Variants in CCSER1 observed in about 807,000 individuals in gnomAD.
CCSER1 encodes coiled-coil serine rich protein 1.
A neutral mutation model predicts 82.0 loss-of-function variants in CCSER1; 41 were observed. The ratio of observed to expected loss-of-function variants is 0.50; its 90% CI spans 0.39 to 0.65. The LOEUF (loss-of-function observed/expected upper bound fraction) is 0.65, where lower values mean the gene tolerates loss of function less well. Ranked by LOEUF, CCSER1 falls within the 30% of genes least tolerant of loss-of-function variation. CCSER1 has a pLI of 0.00. For synonymous variants in CCSER1, 414 were observed against 383.9 expected (o/e 1.08, Z -0.92); for missense variants, 1,119 against 1,064.2 (o/e 1.05, Z -0.72).
At chr4:91,431,575 C>G (rs763566763) in intron 10 of CCSER1, among the ~76,000 whole-genome samples, 2 of 152,062 alleles carry the variant, frequency 1.3e-5, no homozygotes, top group Non-Finnish European at 2.9e-5. Flanking sequence ...TCAAGCGATT[C>G]TCCTGCCTCA....
chr4:91,293,016 A>T (rs2149221715), intron 10 of CCSER1, among the ~76,000 whole-genome samples: 1 of 152,142 alleles, frequency 6.6e-6, no homozygotes, highest in South Asian at 2.1e-4. Flanking sequence ...CTGATAAATT[A>T]ACATTGAATT....
intron 10 of CCSER1, among the ~76,000 whole-genome samples, chr4:91,207,096 G>A (rs1157410446): frequency 6.6e-6 from 1 of 151,778 alleles, no homozygotes; most frequent in East Asian, 1.9e-4. Context: ...TGTAAAGCAT[G>A]GTGGCATAAT....
At chr4:90,582,656 G>T (rs907001505) in intron 5 of CCSER1, among the ~76,000 whole-genome samples, 1 of 152,058 alleles carries the variant, frequency 6.6e-6, no homozygotes, top group Non-Finnish European at 1.5e-5. Context: ...CCTTTGACAG[G>T]GTTTTCTCTC....
chr4:90,899,987 C>T (rs889192970), intron 8 of CCSER1, among the ~76,000 whole-genome samples: 1 of 151,540 alleles, frequency 6.6e-6, no homozygotes, highest in African/African-American at 2.4e-5. Context: ...GCATTCCCCC[C>T]TCCTTGTTTG....
chr4:91,201,146 T>G (rs1278231755), intron 10 of CCSER1, among the ~76,000 whole-genome samples: 1 of 152,064 alleles, frequency 6.6e-6, no homozygotes, highest in Non-Finnish European at 1.5e-5. Context: ...TGGTGCTCCC[T>G]ACATAACTAT....
At chr4:91,050,996 A>G (rs1742961134) in intron 9 of CCSER1, among the ~76,000 whole-genome samples, 1 of 152,134 alleles carries the variant, frequency 6.6e-6, no homozygotes, top group Non-Finnish European at 1.5e-5. Flanking sequence ...GATATTCTCT[A>G]GCTCTGTGCT....
At chr4:90,656,652 T>A (rs1180828081) in intron 6 of CCSER1, among the ~76,000 whole-genome samples, 1 of 151,992 alleles carries the variant, frequency 6.6e-6, no homozygotes, top group Admixed American at 6.6e-5. Context: ...GTATTTAATG[T>A]AACTACTGAT....
chr4:91,384,539 G>T (rs1331822004), intron 10 of CCSER1, among the ~76,000 whole-genome samples: 1 of 151,754 alleles, frequency 6.6e-6, no homozygotes, highest in Non-Finnish European at 1.5e-5. Flanking sequence ...GATACAATTA[G>T]ATATATTACT....
At chr4:90,883,040 C>G (rs1219712803) in intron 8 of CCSER1, among the ~76,000 whole-genome samples, 1 of 151,928 alleles carries the variant, frequency 6.6e-6, no homozygotes, top group Non-Finnish European at 1.5e-5. Context: ...ATGAGAAAAG[C>G]TAGGTCTAGA....
intron 9 of CCSER1, among the ~76,000 whole-genome samples, chr4:91,062,776 ATT>A (rs1167049931): frequency 6.6e-6 from 1 of 152,054 alleles, no homozygotes; most frequent in African/African-American, 2.4e-5. Flanking sequence ...CAATAAAATG[ATT>A]TTTTTGTCAT....
chr4:91,361,516 T>C (rs891868962), intron 10 of CCSER1, among the ~76,000 whole-genome samples: 1 of 151,722 alleles, frequency 6.6e-6, no homozygotes, highest in African/African-American at 2.4e-5. Flanking sequence ...GTGACAGGCA[T>C]TGTGGAGGTA....
chr4:90,157,159 C>T (rs895820194), intron 1 of CCSER1, among the ~76,000 whole-genome samples: 2 of 152,148 alleles, frequency 1.3e-5, no homozygotes, highest in Non-Finnish European at 2.9e-5. Context: ...ATATGAAATT[C>T]TGGGTTGAAA....
chr4:90,461,923 C>T (rs538644582), intron 4 of CCSER1, among the ~76,000 whole-genome samples: 7 of 152,314 alleles, frequency 4.6e-5, no homozygotes, highest in African/African-American at 1.7e-4. Context: ...AAGTTCAGCA[C>T]CTACTACAGT....
rs1764646094 is a variant in CCSER1, at chr4:90,857,930, CAAGTT to C, written c.2094+42088_2094+42092del. Among the ~76,000 whole-genome samples, 2 of 151,996 alleles carry C rather than the reference CAAGTT, an allele frequency of 1.3e-5. 1 individual carries two copies. Among genetic ancestry groups the C allele is most frequent in the East Asian group, 3.9e-4 (2 of 5,182 alleles). On this transcript the variant is annotated intron_variant, in intron 8 of 10. Transcript: ENST00000509176. ...ATGGGTAACTATGTGAGATGATGTA[CAAGTT>C]AATTTGTTCCACATTTGTAACCACT... is the stretch of plus-strand genomic sequence containing the variant.
intron 10 of CCSER1, among the ~76,000 whole-genome samples, chr4:91,404,538 A>G (rs911394934): frequency 8.5e-5 from 13 of 152,212 alleles, no homozygotes; most frequent in Non-Finnish European, 1.6e-4. Flanking sequence ...ATTAAGTGCT[A>G]TAAATTTCCC....
chr4:90,734,739 T>TC (rs1321866900), intron 7 of CCSER1, among the ~76,000 whole-genome samples: 5 of 152,184 alleles, frequency 3.3e-5, no homozygotes, highest in African/African-American at 1.2e-4. Flanking sequence ...TTTAGGTTTT[T>TC]CCACATATAA....
chr4:90,513,840 C>A (rs981728104), intron 5 of CCSER1, among the ~76,000 whole-genome samples: 4 of 151,944 alleles, frequency 2.6e-5, no homozygotes, highest in Non-Finnish European at 5.9e-5. Flanking sequence ...AGATGAGGAG[C>A]GGTTGGTGTG....
intron 5 of CCSER1, among the ~76,000 whole-genome samples, chr4:90,515,713 C>T (rs1772174341): frequency 6.6e-6 from 1 of 152,130 alleles, no homozygotes; most frequent in African/African-American, 2.4e-5. Flanking sequence ...CTATTATTAT[C>T]TTCCCCCACC....
chr4:91,492,207 G>A (rs1046867454), intron 10 of CCSER1, among the ~76,000 whole-genome samples: 1 of 151,944 alleles, frequency 6.6e-6, no homozygotes, highest in African/African-American at 2.4e-5. Context: ...ACAAAAGCCT[G>A]TCAACACCAC....
Sources: gnomAD v4.1 joint callset for allele counts (sites outside exome capture counted in the v4.1 genomes callset) on GRCh38, gnomAD v4.1.1 for gene constraint, MANE v1.5 for transcripts, NCBI Gene and HGNC (gene_info 2026-07-23, HGNC 2026-07-21) for gene names.